GRIN2A: variants seen among roughly 807,000 people sequenced by gnomAD.
The protein encoded by GRIN2A is glutamate ionotropic receptor NMDA type subunit 2A.
GRIN2A carries 22 observed loss-of-function variants against 113.4 expected under a neutral mutation model. That is an observed-to-expected ratio of 0.19 (90% CI 0.14 to 0.28). GRIN2A has a LOEUF of 0.28. Among genes scored for constraint, GRIN2A ranks in the 10% least tolerant of loss-of-function variants. The pLI is 1.00. For synonymous variants in GRIN2A, 827 were observed against 738.4 expected, an observed-to-expected ratio of 1.12 and a Z score of -1.94; for missense variants, 1,502 against 1,887.0, an observed-to-expected ratio of 0.80 and a Z score of 3.78.
intron 11 of GRIN2A, among the ~76,000 whole-genome samples, chr16:9,774,176 C>T (rs1901460205): frequency 6.6e-6 from 1 of 152,158 alleles, no homozygotes; most frequent in Non-Finnish European, 1.5e-5. Flanking sequence ...CATTACCCAT[C>T]CACCCACTGA....
intron 2 of GRIN2A, among the ~76,000 whole-genome samples, chr16:10,075,556 G>A (rs1033871424): frequency 6.6e-6 from 1 of 152,082 alleles, no homozygotes; most frequent in African/African-American, 2.4e-5. Flanking sequence ...TGTACTTAAC[G>A]CCACTGAACT....
rs931821644 is a variant in GRIN2A, at chr16:10,127,081, G to C, written c.414+52917C>G. Among the ~76,000 whole-genome samples, 5 of 152,218 alleles carry C rather than the reference G, an allele frequency of 3.3e-5. No individual in the cohort carries two copies. In the South Asian group the frequency reaches 8.3e-4, roughly 25 times the overall value. On this transcript the variant is annotated intron_variant, in intron 2 of 12. Transcript: ENST00000330684. ...CTAAAAGCCTTCCTGACAGCAACAG[G>C]GGCCAAGAATTTCTCTCATGAACCC... is the stretch of plus-strand genomic sequence containing the variant.
chr16:9,786,211 AG>A (rs1303596718), intron 11 of GRIN2A, among the ~76,000 whole-genome samples: 2 of 152,338 alleles, frequency 1.3e-5, no homozygotes, highest in East Asian at 3.9e-4. Context: ...CAACCAAGAC[AG>A]GTCTTTGTGA....
rs148062981 is a variant in GRIN2A, at chr16:10,098,176, G to A, written c.414+81822C>T. On this transcript the variant is annotated intron_variant, in intron 2 of 12. Coordinates refer to ENST00000330684, the MANE Select transcript of GRIN2A (RefSeq NM_001134407.3). The stretch of plus-strand genomic sequence containing the variant: ...GAACAGATAGTTCTCAAAAGAAGAC[G>A]TACAAATGGCCAACAAACATATGAA... Among the ~76,000 whole-genome samples the A allele has an allele frequency of 1.1e-3, 166 of 152,184 alleles. 2 individuals carry two copies. The highest frequency in any genetic ancestry group is 3.9e-3 in the African/African-American group (162 of 41,534).
At chr16:10,153,266 T>C (rs900417141) in intron 2 of GRIN2A, among the ~76,000 whole-genome samples, 2 of 152,180 alleles carry the variant, frequency 1.3e-5, no homozygotes, top group Admixed American at 6.5e-5. Context: ...CTAAGACTGC[T>C]CTTAAAAATA....
intron 2 of GRIN2A, among the ~76,000 whole-genome samples, chr16:9,992,885 C>T (rs1412498256): frequency 1.3e-5 from 2 of 152,118 alleles, no homozygotes; most frequent in African/African-American, 4.8e-5. Context: ...CTACCCGTTC[C>T]TGCCATAATA....
At chr16:9,861,469 C>G (rs192054743) in intron 4 of GRIN2A, among the ~76,000 whole-genome samples, 2 of 152,218 alleles carry the variant, frequency 1.3e-5, no homozygotes, top group South Asian at 2.1e-4. Context: ...CACAAACAAA[C>G]CGATCACAGG....
chr16:9,828,819 G>T (rs746449206), intron 9 of GRIN2A, among the ~76,000 whole-genome samples: 2 of 152,074 alleles, frequency 1.3e-5, no homozygotes, highest in African/African-American at 4.8e-5. Context: ...TGAGTAGAAA[G>T]AACCAGTGGG....
At chr16:10,012,071 T>C (rs938019162) in intron 2 of GRIN2A, among the ~76,000 whole-genome samples, 1 of 152,238 alleles carries the variant, frequency 6.6e-6, no homozygotes, top group African/African-American at 2.4e-5. Context: ...ATTTTGGCTT[T>C]TTTTGTAAGC....
chr16:10,170,262 G>A (rs894463537), intron 2 of GRIN2A, among the ~76,000 whole-genome samples: 2 of 152,188 alleles, frequency 1.3e-5, no homozygotes, highest in African/African-American at 4.8e-5. Context: ...AACAGAGGCA[G>A]CCACATTATG....
Position 9,760,058 on chromosome 16 carries a change from A to C in GRIN2A, c.*3091T>G. The C allele has an allele frequency of 4.4e-6, 1 of 229,000 alleles. No individual in the cohort carries two copies. 14.2% of individuals were successfully genotyped at this position (229,000 alleles called of 1,614,324 possible). On this transcript the variant is annotated 3_prime_UTR_variant, in exon 13 of 13. Coordinates refer to ENST00000330684, the MANE Select transcript of GRIN2A (RefSeq NM_001134407.3). The stretch of plus-strand genomic sequence containing the variant: ...GGGGAAAACCAATTAGAATTAACAA[A>C]ATATCATTATGGATGCCAGCTCTGA...
rs1406127731 is a variant in GRIN2A, at chr16:10,033,419, G to A, written c.415-94868C>T. 3.9e-5 allele frequency among the ~76,000 whole-genome samples: 6 copies of A among 152,094 alleles called. No homozygotes were observed. In the East Asian group the frequency reaches 9.6e-4, roughly 24 times the overall value. On this transcript the variant is annotated intron_variant, in intron 2 of 12. Coordinates refer to ENST00000330684, the MANE Select transcript of GRIN2A (RefSeq NM_001134407.3). ...AGACAGACACTAAACACAACAACAAGCAAGAAAATTGGCAATTGTGATACA... is the reference window on the plus strand; with the variant it reads ...AGACAGACACTAAACACAACAACAAACAAGAAAATTGGCAATTGTGATACA...
At chr16:9,843,731 C>T (rs181055730) in intron 5 of GRIN2A, among the ~76,000 whole-genome samples, 2 of 151,714 alleles carry the variant, frequency 1.3e-5, no homozygotes, top group Non-Finnish European at 2.9e-5. Flanking sequence ...CATCCACCAC[C>T]CTTAGTGGGG....
intron 2 of GRIN2A, among the ~76,000 whole-genome samples, chr16:9,964,399 T>A (rs187664474): frequency 8.5e-5 from 13 of 152,290 alleles, no homozygotes; most frequent in Admixed American, 5.9e-4. Flanking sequence ...GACAATTTAA[T>A]GGGATCAGCC....
chr16:9,922,115 G>T (rs2044368926), intron 3 of GRIN2A, among the ~76,000 whole-genome samples: 1 of 152,080 alleles, frequency 6.6e-6, no homozygotes, highest in South Asian at 2.1e-4. Flanking sequence ...TTCTTAAGTG[G>T]AAGAAAAGGG....
At chr16:10,139,115 G>A (rs965130489) in intron 2 of GRIN2A, among the ~76,000 whole-genome samples, 1 of 152,192 alleles carries the variant, frequency 6.6e-6, no homozygotes, top group African/African-American at 2.4e-5. Flanking sequence ...AGTAAAAATT[G>A]AGAGCATGAA....
intron 2 of GRIN2A, among the ~76,000 whole-genome samples, chr16:10,047,886 G>T (rs528914315): frequency 2.8e-4 from 42 of 152,250 alleles, no homozygotes; most frequent in African/African-American, 1.0e-3. Flanking sequence ...TTAACTTTCA[G>T]TTCACCACCT....
intron 2 of GRIN2A, among the ~76,000 whole-genome samples, chr16:9,942,132 C>T (rs1044678370): frequency 6.6e-6 from 1 of 152,208 alleles, no homozygotes; most frequent in African/African-American, 2.4e-5. Context: ...AGGTAATCCA[C>T]ACTCTGGACT....
At chr16:10,033,832 C>T (rs1483236906) in intron 2 of GRIN2A, 1 of 152,354 alleles carries the variant, frequency 6.6e-6, no homozygotes. Context: ...GCATGAAATC[C>T]CTGCTTCTTC....
Sources: allele counts gnomAD v4.1 joint callset (sites outside exome capture counted in the v4.1 genomes callset), GRCh38; gene constraint gnomAD v4.1.1; transcripts MANE v1.5; gene names NCBI Gene and HGNC (gene_info 2026-07-23, HGNC 2026-07-21).